Variants in OSBPL5 observed in about 807,000 individuals in gnomAD.
OSBPL5 encodes oxysterol binding protein like 5, also known as oxysterol-binding protein-related protein 5.
Under a neutral mutation model 111.2 loss-of-function variants are expected in OSBPL5, and 71 were observed. The observed-to-expected ratio is 0.64, with a 90% CI of 0.53 to 0.78. OSBPL5 has a LOEUF of 0.78. Among genes scored for constraint, OSBPL5 ranks in the 30% least tolerant of loss-of-function variants. The pLI is 0.00. For synonymous variants in OSBPL5, 549 were observed against 513.9 expected (o/e 1.07, Z -0.93); for missense variants, 1,210 against 1,189.3 (o/e 1.02, Z -0.26).
rs1857104536 is a variant in OSBPL5, at chr11:3,092,677, C to A, written c.2133-119G>T. On this transcript the variant is annotated intron_variant, in intron 18 of 21. Transcript: ENST00000263650. This position sits in a 1 kb window ranked among gnomAD's most constrained non-coding sequence, Gnocchi z 5.4. Reference sequence around the variant, plus strand: ...GAGACCTCCAGGAGAATGACCACTGCCCACACCCCATGGGCAGGGCCTGCA... The same window carrying A: ...GAGACCTCCAGGAGAATGACCACTGACCACACCCCATGGGCAGGGCCTGCA... 2.2e-6 allele frequency: 3 copies of A among 1,385,862 alleles called. No individual in the cohort carries two copies. Among genetic ancestry groups the A allele is most frequent in the East Asian group, 2.5e-5 (1 of 39,538 alleles). 85.8% of individuals were successfully genotyped at this position (1,385,862 alleles called of 1,614,324 possible).
In OSBPL5 at chr11:3,104,471, C is replaced by A. The variant is rs1590653692; in HGVS notation, c.1060-94G>T. On this transcript the variant is annotated intron_variant, in intron 9 of 21. Transcript: ENST00000263650. The surrounding 1 kb of genome is among the most constrained non-coding windows in gnomAD (Gnocchi z 5.0). ...CAGCTCTGGCTGGAGGAGGCTGTAC[C>A]TGCCACCCCTTAGGGTGTAAACCCC... 1.4e-6 allele frequency: 2 copies of A among 1,392,392 alleles called. No homozygotes were observed. The highest frequency in any genetic ancestry group is 4.8e-5 in the East Asian group (2 of 41,378). 86.3% of individuals were successfully genotyped at this position (1,392,392 alleles called of 1,614,324 possible). A position where few individuals can be genotyped will look rare whatever the true frequency, so the allele number is the denominator to read the frequency against.
chr11:3,093,181 G>C (rs1249848817), intron 17 of OSBPL5, 129 bp from the exon 18 acceptor site: 1 of 982,916 alleles, frequency 1.0e-6, no homozygotes, highest in African/African-American at 1.6e-5. Context: ...TACAGTGACA[G>C]GGAGCTCACT....
At position 3,102,170 on chromosome 11, in the gene OSBPL5, G is replaced by A; in HGVS notation, c.1425+13C>T. 1.3e-6 allele frequency: 2 copies of A among 1,584,268 alleles called. No homozygotes were observed. Among genetic ancestry groups the A allele is most frequent in the Non-Finnish European group, 1.7e-6 (2 of 1,165,710 alleles). ...CCCAGCACCCAGGCCGGTTGCAGCA[G>A]AGGTGCTCTTGCCTGCTCTGCTATG... On this transcript the variant is annotated intron_variant, in intron 12 of 21. Transcript: ENST00000263650.
intron 1 of OSBPL5, among the ~76,000 whole-genome samples, chr11:3,164,710 T>C (rs557563588): frequency 6.6e-6 from 1 of 152,154 alleles, no homozygotes; most frequent in South Asian, 2.1e-4. Context: ...ACAGCAGTCC[T>C]CCCAAGCCCG....
In OSBPL5 at chr11:3,124,440, G is replaced by C. The variant is rs185354763; in HGVS notation, c.220-2012C>G. 5.3e-5 allele frequency among the ~76,000 whole-genome samples: 8 copies of C among 152,270 alleles called. No homozygotes were observed. The East Asian group carries it at 1.4e-3, about 26-fold the overall frequency. On this transcript the variant is annotated intron_variant, in intron 3 of 21. Coordinates refer to ENST00000263650, the MANE Select transcript of OSBPL5 (RefSeq NM_020896.4). ...TCCAGGGACCCAGGCTGGCAGAGAA[G>C]GTGTCCTAAGTTGCCCTCCTGGGAG...
At chr11:3,145,510 C>G (rs1194774215) in intron 1 of OSBPL5, among the ~76,000 whole-genome samples, 1 of 152,278 alleles carries the variant, frequency 6.6e-6, no homozygotes, top group East Asian at 1.9e-4. Flanking sequence ...TTGGCACTCA[C>G]TTGCCTGCTG....
intron 1 of OSBPL5, among the ~76,000 whole-genome samples, chr11:3,129,969 G>A (rs933577996): frequency 4.6e-5 from 7 of 152,226 alleles, no homozygotes; most frequent in African/African-American, 1.7e-4. Context: ...GGGTTCAGAA[G>A]CGAGTTTCTT....
At position 3,154,930 on chromosome 11, in the gene OSBPL5, T is replaced by A. The variant is rs1401632658; in HGVS notation, c.-22+10286A>T. On this transcript the variant is annotated intron_variant, in intron 1 of 21. Transcript: ENST00000263650. This position sits in a 1 kb window ranked among gnomAD's most constrained non-coding sequence, Gnocchi z 4.9. ...TAAAGTATAATAATAATAATAATAA[T>A]AAAAAGAGCCCATTAAATTAAAACA... Among the ~76,000 whole-genome samples, 3 of 151,402 alleles carry A rather than the reference T, an allele frequency of 2.0e-5. No homozygotes were observed. Among genetic ancestry groups the A allele is most frequent in the East Asian group, 1.9e-4 (1 of 5,166 alleles).
In OSBPL5 at chr11:3,146,619, T is replaced by A. The variant is rs1846357403; in HGVS notation, c.-21-17450A>T. On this transcript the variant is annotated intron_variant, in intron 1 of 21. Transcript: ENST00000263650. The surrounding 1 kb of genome is among the most constrained non-coding windows in gnomAD (Gnocchi z 7.8). ...ACCCGGTTTCGGGCACTCCGTCGCT[T>A]GCCTTCTGCAGAGCTGCTAAGCCGC... The A allele has an allele frequency of 6.6e-6, 1 of 152,102 alleles. No individual in the cohort carries two copies. The highest frequency in any genetic ancestry group is 6.6e-5 in the Admixed American group (1 of 15,266). 9.4% of individuals were successfully genotyped at this position (152,102 alleles called of 1,614,324 possible).
chr11:3,152,331 G>A (rs374873553), intron 1 of OSBPL5, among the ~76,000 whole-genome samples: 1 of 152,326 alleles, frequency 6.6e-6, no homozygotes. Context: ...TAGGTATAAA[G>A]GTACTTCAAA....
chr11:3,111,987 G>A (rs1857965459), intron 7 of OSBPL5, among the ~76,000 whole-genome samples: 1 of 133,256 alleles, frequency 7.5e-6, no homozygotes, highest in Non-Finnish European at 1.6e-5. Context: ...GTGCGCGCAT[G>A]TGTGTGCATG....
intron 1 of OSBPL5, among the ~76,000 whole-genome samples, chr11:3,138,761 G>A (rs1457106738): frequency 6.6e-6 from 1 of 152,226 alleles, no homozygotes; most frequent in African/African-American, 2.4e-5. Context: ...GGCCCTGCAG[G>A]CCGCTGCCTA....
At chr11:3,112,004 TGTGTGCGCGC>T (rs1857972793) in intron 7 of OSBPL5, among the ~76,000 whole-genome samples, 3 of 56,054 alleles carry the variant, frequency 5.4e-5, no homozygotes, top group South Asian at 5.5e-4. Context: ...CATGTGTGTG[TGTGTGCGCGC>T]ATGTGTGTGC....
intron 19 of OSBPL5, among the ~76,000 whole-genome samples, chr11:3,091,410 G>A (rs1295775084): frequency 2.6e-5 from 4 of 152,180 alleles, no homozygotes; most frequent in Non-Finnish European, 4.4e-5. Flanking sequence ...GGTCAGAGGC[G>A]GGGCAGGTGG....
At chr11:3,135,358 G>C (rs1274772412) in intron 1 of OSBPL5, among the ~76,000 whole-genome samples, 2 of 152,230 alleles carry the variant, frequency 1.3e-5, no homozygotes, top group African/African-American at 2.4e-5. Context: ...CTGGAAGGGG[G>C]CTTGAGAGAC....
chr11:3,107,158 G>T lies in OSBPL5; in HGVS notation c.1059+105C>A. 5 of 1,291,962 alleles carry T rather than the reference G, an allele frequency of 3.9e-6. No individual in the cohort carries two copies. The highest frequency in any genetic ancestry group is 5.3e-6 in the Non-Finnish European group (5 of 945,410). The allele number at this position is 1,291,962 out of a possible 1,614,324, so 80.0% of individuals were successfully genotyped here. A position where few individuals can be genotyped will look rare whatever the true frequency, so the allele number is the denominator to read the frequency against. On this transcript the variant is annotated intron_variant, in intron 9 of 21. Coordinates refer to ENST00000263650, the MANE Select transcript of OSBPL5 (RefSeq NM_020896.4). The surrounding 1 kb of genome is among the most constrained non-coding windows in gnomAD (Gnocchi z 6.1). ...GTGATGGGGACAAAAGCTACCCCCT[G>T]GGCCCTGCGTGCTCCCCCTAGGATG...
At chr11:3,124,280 A>C (rs1858522733) in intron 3 of OSBPL5, among the ~76,000 whole-genome samples, 2 of 152,164 alleles carry the variant, frequency 1.3e-5, no homozygotes, top group African/African-American at 2.4e-5. Flanking sequence ...TCAGGATCAC[A>C]AGAAGAAAAC....
chr11:3,093,655 G>A lies in OSBPL5; in HGVS notation c.1818C>T (p.Asp606=), dbSNP rs144394986. The change falls in exon 17 of 22, where the codon GAC becomes GAT. Residue 606 remains aspartate, a synonymous_variant. Transcript: ENST00000263650. ...CGCTCCCTTCCTCCTTGATAAACAC[G>A]TCCCTGTCCTGCCCCAGATGGCCAG... ...LASLSGHWDR[D]VFIKEEGSGS... is the part of the protein sequence containing the mutation. 97 of 1,613,072 alleles carry A rather than the reference G, an allele frequency of 6.0e-5. No individual in the cohort carries two copies. Among genetic ancestry groups the A allele is most frequent in the African/African-American group, 5.9e-4 (44 of 74,944 alleles).
In OSBPL5 at chr11:3,126,990, C is replaced by A. The variant is rs1056848218; in HGVS notation, c.137-435G>T. ...GCTGCCGGCCCCTGCGTGCTGGGCT[C>A]TTGCTGGGAGGTGGTCAGCCCTGTC... On this transcript the variant is annotated intron_variant, in intron 2 of 21. Transcript: ENST00000263650. This position sits in a 1 kb window ranked among gnomAD's most constrained non-coding sequence, Gnocchi z 6.5. Among the ~76,000 whole-genome samples, 1 of 152,208 alleles carries A rather than the reference C, an allele frequency of 6.6e-6. No individual in the cohort carries two copies. Among genetic ancestry groups the A allele is most frequent in the Non-Finnish European group, 1.5e-5 (1 of 68,028 alleles).
Sources: gnomAD v4.1 joint callset for allele counts (sites outside exome capture counted in the v4.1 genomes callset) on GRCh38, gnomAD v4.1.1 for gene constraint, Gnocchi (gnomAD v3.1) non-coding constraint, MANE v1.5 for transcripts, NCBI Gene and HGNC (gene_info 2026-07-23, HGNC 2026-07-21) for gene names.